PAN3: variants seen among roughly 807,000 people sequenced by gnomAD.
The protein encoded by PAN3 is PAN2-PAN3 deadenylation complex subunit PAN3.
In PAN3, 19 loss-of-function variants were observed where a neutral mutation model predicts 96.2. The ratio of observed to expected loss-of-function variants is 0.20; its 90% CI spans 0.14 to 0.29. The LOEUF (loss-of-function observed/expected upper bound fraction) is 0.29. Ranked by LOEUF, PAN3 falls within the 10% of genes least tolerant of loss-of-function variation. PAN3 has a pLI of 1.00. For synonymous variants in PAN3, 433 were observed against 406.6 expected (o/e 1.06, Z -0.78); for missense variants, 882 against 1,108.1 (o/e 0.80, Z 2.90).
intron 5 of PAN3, among the ~76,000 whole-genome samples, chr13:28,203,715 A>G (rs999516019): frequency 6.6e-6 from 1 of 151,850 alleles, no homozygotes; most frequent in Non-Finnish European, 1.5e-5. Context: ...TATTCTTGCT[A>G]TTTTTTAATC....
Position 28,267,399 on chromosome 13 carries a change from G to C in PAN3, c.1790G>C (p.Trp597Ser). Residue 597 changes from tryptophan (W) to serine (S), a missense_variant and splice_region_variant, in exon 12 of 19, where the codon TGG (tryptophan) becomes TCG (serine). Around this residue, in one of 3 missense-constraint regions of PAN3, gnomAD observed 364 missense variants for 513.6 expected, o/e 0.71. Transcript: ENST00000380958. Reference sequence around the variant, plus strand: ...GATGCCTACTTCACCAAGAGAAAGTGGGGTAAGAAAAAGATGCAGGCAAAC... The same window carrying C: ...GATGCCTACTTCACCAAGAGAAAGTCGGGTAAGAAAAAGATGCAGGCAAAC... ...NADAYFTKRK[W>S]GQHEGPLPRQ... 3 of 1,611,252 alleles carry C rather than the reference G, an allele frequency of 1.9e-6. No individual in the cohort carries two copies. The highest frequency in any genetic ancestry group is 2.5e-6 in the Non-Finnish European group (3 of 1,177,678).
Position 28,261,436 on chromosome 13 carries a change from A to G in PAN3, c.1389A>G (p.Gln463=). Residue 463 remains glutamine (Q), a synonymous_variant, in exon 9 of 19, where the codon CAA becomes CAG. Transcript: ENST00000380958. ...LINRHLITMA[Q]IDQADMPAVP... is the part of the protein sequence containing the mutation. ...ACAGACATTTAATAACAATGGCTCA[A>G]ATTGATCAAGCAGATATGCCAGGTA... is the stretch of plus-strand genomic sequence containing the variant. The G allele has an allele frequency of 6.2e-7, 1 of 1,611,122 alleles. No homozygotes were observed.
At chr13:28,180,059 A>G (rs1875565535) in intron 4 of PAN3, among the ~76,000 whole-genome samples, 1 of 152,204 alleles carries the variant, frequency 6.6e-6, no homozygotes, top group Admixed American at 6.5e-5. Flanking sequence ...ATATAGAAAA[A>G]TGAGCACTCT....
chr13:28,214,887 G>C lies in PAN3; in HGVS notation c.853-5344G>C, dbSNP rs1307681356. ...TGCTGCTGGTGTTGGTGAAATTGAA[G>C]CTAGTAGCTCCAAGAATGGGCAGGC... On this transcript the variant is annotated intron_variant, in intron 5 of 18. Transcript: ENST00000380958. 4 of 872,542 alleles carry C rather than the reference G, an allele frequency of 4.6e-6. No individual in the cohort carries two copies. The East Asian group carries it at 7.4e-5, about 16-fold the overall frequency. 54.0% of individuals were successfully genotyped at this position (872,542 alleles called of 1,614,324 possible). A position where few individuals can be genotyped will look rare whatever the true frequency, so the allele number is the denominator to read the frequency against.
At chr13:28,245,895 C>A (rs1884137784) in intron 6 of PAN3, among the ~76,000 whole-genome samples, 1 of 152,026 alleles carries the variant, frequency 6.6e-6, no homozygotes, top group African/African-American at 2.4e-5. Context: ...GTGGATATAT[C>A]ATATTTTGTT....
At chr13:28,144,436 C>T (rs982739545) in intron 1 of PAN3, among the ~76,000 whole-genome samples, 1 of 151,736 alleles carries the variant, frequency 6.6e-6, no homozygotes, top group Non-Finnish European at 1.5e-5. Flanking sequence ...AGGATGGTCT[C>T]AATCTCCTGA....
chr13:28,148,676 T>C (rs1001370708), intron 1 of PAN3, among the ~76,000 whole-genome samples: 1 of 152,194 alleles, frequency 6.6e-6, no homozygotes, highest in Non-Finnish European at 1.5e-5. Context: ...TTGCCTATAC[T>C]ATTATTCATA....
intron 10 of PAN3, 34 bp from the exon 11 acceptor site, chr13:28,267,061 T>C (rs934004743): frequency 6.5e-7 from 1 of 1,538,204 alleles, no homozygotes; most frequent in Non-Finnish European, 8.9e-7. Context: ...AGACGTCAAT[T>C]AGAGTTTACT....
chr13:28,212,154 C>A (rs546158462), intron 5 of PAN3, among the ~76,000 whole-genome samples: 95 of 152,336 alleles, frequency 6.2e-4, no homozygotes, highest in African/African-American at 2.2e-3. Context: ...GTCAACAATT[C>A]TCAGATCTAT....
chr13:28,289,142 A>G (rs1398112637), intron 18 of PAN3, among the ~76,000 whole-genome samples: 1 of 152,148 alleles, frequency 6.6e-6, no homozygotes, highest in Non-Finnish European at 1.5e-5. Context: ...TAGGTTTTAT[A>G]ATCAAGTAGT....
chr13:28,288,145 A>G (rs984883801), intron 18 of PAN3, 23 bp downstream of exon 18: 2 of 1,577,038 alleles, frequency 1.3e-6, no homozygotes, highest in African/African-American at 2.7e-5. Context: ...TAGATTTTTT[A>G]AGATCATAAT....
rs2138648588 is a variant in PAN3 at position 28,266,836 on chromosome 13, C to T, written c.1533C>T (p.Asn511=). The change falls in exon 10 of 19, where the codon AAC becomes AAT. Residue 511 remains asparagine, a synonymous_variant. Coordinates refer to ENST00000380958, the MANE Select transcript of PAN3 (RefSeq NM_175854.8). The stretch of plus-strand genomic sequence containing the variant: ...TTACATCTTGCTACAAAGCTGTAAA[C>T]AGCAAAGATGATCTGCCATATTGCC... ...GYITSCYKAV[N]SKDDLPYCLR... 1.9e-6 allele frequency: 3 copies of T among 1,608,700 alleles called. No individual in the cohort carries two copies. The highest frequency in any genetic ancestry group is 2.5e-6 in the Non-Finnish European group (3 of 1,177,926).
At position 28,143,269 on chromosome 13, in the gene PAN3, T is replaced by C. The variant is rs558970591; in HGVS notation, c.430+4182T>C. 2.0e-5 allele frequency among the ~76,000 whole-genome samples: 3 copies of C among 152,276 alleles called. No homozygotes were observed. In the East Asian group the frequency reaches 5.8e-4, roughly 29 times the overall value. Reference sequence around the variant, plus strand: ...ATGTAGCTTACGTAACATTTCGTATTTCTGTTAGTCTTGGGATTTTTCTAA... The same window carrying C: ...ATGTAGCTTACGTAACATTTCGTATCTCTGTTAGTCTTGGGATTTTTCTAA... On this transcript the variant is annotated intron_variant, in intron 1 of 18. Transcript: ENST00000380958.
intron 9 of PAN3, among the ~76,000 whole-genome samples, chr13:28,264,771 G>C (rs9579174): frequency 0.092 from 13,974 of 152,122 alleles, 793 homozygotes; most frequent in African/African-American, 0.16. Context: ...TTAGGAACTT[G>C]TTAGAATTGT....
Position 28,292,851 on chromosome 13 carries a change from C to T in PAN3, c.*329C>T. The T allele has an allele frequency of 6.0e-6, 1 of 166,082 alleles. No individual in the cohort carries two copies. The highest frequency in any genetic ancestry group is 1.3e-5 in the Non-Finnish European group (1 of 77,094). 10.3% of individuals were successfully genotyped at this position (166,082 alleles called of 1,614,324 possible). On this transcript the variant is annotated 3_prime_UTR_variant, in exon 19 of 19. Coordinates refer to ENST00000380958, the MANE Select transcript of PAN3 (RefSeq NM_175854.8). Reference sequence around the variant, plus strand: ...TTAAAGACTTTTTCTGATCTTTGAACTTTTGCCACATTGTATACTTATAAT... The same window carrying T: ...TTAAAGACTTTTTCTGATCTTTGAATTTTTGCCACATTGTATACTTATAAT...
At chr13:28,219,848 G>T (rs1279473934) in intron 5 of PAN3, among the ~76,000 whole-genome samples, 1 of 152,192 alleles carries the variant, frequency 6.6e-6, no homozygotes, top group African/African-American at 2.4e-5. Context: ...AAGAAAGGCA[G>T]TTTTGACCTT....
At chr13:28,208,622 T>A (rs1879659449) in intron 5 of PAN3, among the ~76,000 whole-genome samples, 1 of 152,166 alleles carries the variant, frequency 6.6e-6, no homozygotes, top group African/African-American at 2.4e-5. Flanking sequence ...GAACATTGAC[T>A]TTGAGCATCA....
chr13:28,292,552 C>G lies in PAN3; in HGVS notation c.*30C>G, dbSNP rs1869885665. 1 of 1,583,386 alleles carries G rather than the reference C, an allele frequency of 6.3e-7. No homozygotes were observed. The highest frequency in any genetic ancestry group is 1.4e-5 in the African/African-American group (1 of 72,592). On this transcript the variant is annotated 3_prime_UTR_variant, in exon 19 of 19. Coordinates refer to ENST00000380958, the MANE Select transcript of PAN3 (RefSeq NM_175854.8). ...TGCTAAAAAAGCACGCAGGACATGG[C>G]TAAAGACCTTAACCAATAGCAAATT... is the stretch of plus-strand genomic sequence containing the variant.
At chr13:28,183,073 T>C (rs1876008097) in intron 4 of PAN3, among the ~76,000 whole-genome samples, 1 of 152,204 alleles carries the variant, frequency 6.6e-6, no homozygotes, top group South Asian at 2.1e-4. Flanking sequence ...AATCTGAGTA[T>C]AGCATAGACA....
Sources: allele counts gnomAD v4.1 joint callset (sites outside exome capture counted in the v4.1 genomes callset), GRCh38; gene constraint gnomAD v4.1.1; regional missense constraint gnomAD v4.1.1; transcripts MANE v1.5; gene names NCBI Gene and HGNC (gene_info 2026-07-23, HGNC 2026-07-21).